RYR3: variants seen among roughly 807,000 people sequenced by gnomAD.
The protein encoded by RYR3 is ryanodine receptor 3, also known as brain ryanodine receptor-calcium release channel.
In RYR3, 207 loss-of-function variants were observed where a neutral mutation model predicts 584.3. The observed-to-expected ratio is 0.35, with a 90% confidence interval of 0.32 to 0.40. RYR3 has a LOEUF of 0.40. RYR3 is among the 10% of genes least tolerant of loss of function. RYR3 has a pLI of 1.00. For synonymous variants in RYR3, 2,416 were observed against 2,248.5 expected (o/e 1.07, Z -2.11); for missense variants, 5,616 against 6,089.2 (o/e 0.92, Z 2.59).
chr15:33,593,992 T>C (rs563758353), intron 16 of RYR3, among the ~76,000 whole-genome samples: 4 of 152,316 alleles, frequency 2.6e-5, no homozygotes, highest in Admixed American at 6.5e-5. Context: ...ATACAACTTC[T>C]TAAAGCTGAG....
intron 102 of RYR3, 26 bp from the exon 103 acceptor site, chr15:33,864,112 C>G (rs766605803): frequency 9.5e-6 from 15 of 1,583,582 alleles, no homozygotes; most frequent in Non-Finnish European, 1.3e-5. Flanking sequence ...ACCAGAGTAT[C>G]TAATACTATC....
intron 74 of RYR3, 62 bp downstream of exon 74, chr15:33,813,641 A>C: frequency 7.8e-7 from 1 of 1,281,686 alleles, no homozygotes. Context: ...GTATCCTCCC[A>C]CAGCTGTGCT....
intron 1 of RYR3, among the ~76,000 whole-genome samples, chr15:33,454,588 G>A (rs144110648): frequency 1.8e-4 from 28 of 152,320 alleles, no homozygotes; most frequent in Non-Finnish European, 2.5e-4. Context: ...AAGCGAAACA[G>A]CGGTTAAGGT....
chr15:33,634,663 C>G lies in RYR3; in HGVS notation c.3105C>G (p.Asp1035Glu). ...AGCGTACCAAGAAGTCAAACAGGGA[C>G]AGCCTGCGGGAAGCTGTGCGCACTT... ...LDERTKKSNR[D>E]SLREAVRTFV... is the part of the protein sequence containing the mutation. Residue 1035 changes from aspartate to glutamate, a missense_variant, in exon 25 of 104, where the codon GAC becomes GAG. Physicochemically the swap from Asp to Glu is conservative, Grantham distance 45 (BLOSUM62 2). This residue lies in a region of RYR3 where 1,284 missense variants were observed against 1,344.6 expected (regional missense o/e 0.95). Coordinates refer to ENST00000634891, the MANE Select transcript of RYR3 (RefSeq NM_001036.6). 1.2e-6 allele frequency: 2 copies of G among 1,613,914 alleles called. No individual in the cohort carries two copies. The highest frequency in any genetic ancestry group is 1.7e-6 in the Non-Finnish European group (2 of 1,179,800).
At chr15:33,607,465 A>T (rs750975489) in intron 18 of RYR3, among the ~76,000 whole-genome samples, 1 of 152,064 alleles carries the variant, frequency 6.6e-6, no homozygotes, top group South Asian at 2.1e-4. Flanking sequence ...CTTGCAGTGG[A>T]TGGTCTCTAG....
intron 12 of RYR3, among the ~76,000 whole-genome samples, chr15:33,567,378 G>T (rs1419552584): frequency 6.6e-6 from 1 of 152,190 alleles, no homozygotes; most frequent in East Asian, 1.9e-4. Flanking sequence ...TGATTCTGTT[G>T]TGAACTGTGC....
In RYR3 at chr15:33,819,791, C is replaced by T; in HGVS notation, c.10742C>T (p.Ser3581Phe). 1 of 1,588,446 alleles carries T rather than the reference C, an allele frequency of 6.3e-7. No homozygotes were observed. Among genetic ancestry groups the T allele is most frequent in the Non-Finnish European group, 8.6e-7 (1 of 1,165,226 alleles). Reference sequence around the variant, plus strand: ...GACGACCCTTTGTACACCTCCTATTCCAGCATGATGGCCAAGGTACACCCA... The same window carrying T: ...GACGACCCTTTGTACACCTCCTATTTCAGCATGATGGCCAAGGTACACCCA... ...LEDDPLYTSY[S>F]SMMAKSCQSG... The change falls in exon 77 of 104, where the codon TCC (serine) becomes TTC (phenylalanine). Residue 3581 changes from serine (S) to phenylalanine (F), a missense_variant. This residue lies in a region of RYR3 where 954 missense variants were observed against 1,132.2 expected (regional missense o/e 0.84). Transcript: ENST00000634891.
At chr15:33,606,626 G>C (rs1039614851) in intron 18 of RYR3, among the ~76,000 whole-genome samples, 16 of 152,132 alleles carry the variant, frequency 1.1e-4, no homozygotes, top group Admixed American at 1.0e-3. Flanking sequence ...ACAGAGTCCA[G>C]GGTCAACTCA....
chr15:33,353,539 A>G (rs1261649649), intron 1 of RYR3, among the ~76,000 whole-genome samples: 1 of 152,198 alleles, frequency 6.6e-6, no homozygotes, highest in Non-Finnish European at 1.5e-5. Flanking sequence ...ACAACTAACC[A>G]TACTGGTTTG....
At chr15:33,350,065 G>T (rs1470727422) in intron 1 of RYR3, among the ~76,000 whole-genome samples, 1 of 152,024 alleles carries the variant, frequency 6.6e-6, no homozygotes, top group Non-Finnish European at 1.5e-5. Context: ...ACGTGTGCAT[G>T]TGTCTTTATA....
At chr15:33,853,742 C>A (rs1015955598) in intron 96 of RYR3, 60 bp downstream of exon 96, 10 of 1,563,186 alleles carry the variant, frequency 6.4e-6, no homozygotes, top group Non-Finnish European at 8.7e-6. Context: ...CTTTGCTTTT[C>A]CATAGGAAAA....
In RYR3 at chr15:33,600,420, A is replaced by G. The variant is rs548816316; in HGVS notation, c.1789-999A>G. ...TTGCGCATTCCTCTCTGTGAAGGAGAGCAGGAGGAAGAGAGCCTGACTGGC... is the reference window on the plus strand; with the variant it reads ...TTGCGCATTCCTCTCTGTGAAGGAGGGCAGGAGGAAGAGAGCCTGACTGGC... On this transcript the variant is annotated intron_variant, in intron 16 of 103. Coordinates refer to ENST00000634891, the MANE Select transcript of RYR3 (RefSeq NM_001036.6). Among the ~76,000 whole-genome samples, 4 of 152,074 alleles carry G rather than the reference A, an allele frequency of 2.6e-5. No homozygotes were observed. In the East Asian group the frequency reaches 7.8e-4, roughly 30 times the overall value.
chr15:33,761,080 T>C (rs1025058349), intron 60 of RYR3, among the ~76,000 whole-genome samples: 2 of 152,168 alleles, frequency 1.3e-5, no homozygotes, highest in Non-Finnish European at 2.9e-5. Context: ...TACCAGAATC[T>C]CTGGGACACC....
chr15:33,379,367 T>G (rs1328743113), intron 1 of RYR3, among the ~76,000 whole-genome samples: 1 of 152,194 alleles, frequency 6.6e-6, no homozygotes, highest in East Asian at 1.9e-4. Flanking sequence ...AGGGCCATGC[T>G]GGGGATTGGA....
intron 48 of RYR3, among the ~76,000 whole-genome samples, chr15:33,733,451 T>C (rs1363508932): frequency 2.0e-5 from 3 of 152,206 alleles, no homozygotes; most frequent in Non-Finnish European, 4.4e-5. Context: ...TGAAAATACA[T>C]AGAGGAACCT....
chr15:33,815,144 C>CTATCTT, intron 74 of RYR3, among the ~76,000 whole-genome samples: 1 of 151,206 alleles, frequency 6.6e-6, no homozygotes, highest in Middle Eastern at 3.5e-3. Context: ...AAACAGATTA[C>CTATCTT]TATCTTTGGA....
At chr15:33,630,170 T>G in intron 22 of RYR3, 127 bp downstream of exon 22, 1 of 589,812 alleles carries the variant, frequency 1.7e-6, no homozygotes, top group Non-Finnish European at 3.0e-6. Flanking sequence ...GAGGAGATGA[T>G]GATGAATCAT....
intron 1 of RYR3, among the ~76,000 whole-genome samples, chr15:33,415,915 G>T (rs927203752): frequency 2.0e-5 from 3 of 151,836 alleles, no homozygotes; most frequent in African/African-American, 7.3e-5. Context: ...CCATCTTTGC[G>T]TGTAGCCAAT....
intron 1 of RYR3, among the ~76,000 whole-genome samples, chr15:33,350,890 A>C (rs1310729426): frequency 6.6e-6 from 1 of 152,202 alleles, no homozygotes; most frequent in Non-Finnish European, 1.5e-5. Context: ...AGCTAGCAGA[A>C]GGCAAGAAAT....
Sources: allele counts gnomAD v4.1 joint callset (sites outside exome capture counted in the v4.1 genomes callset), GRCh38; gene constraint gnomAD v4.1.1; regional missense constraint gnomAD v4.1.1; transcripts MANE v1.5; gene names NCBI Gene and HGNC (gene_info 2026-07-23, HGNC 2026-07-21).